The following DNAH8 variants were observed in gnomAD, a reference collection of about 807,000 sequenced individuals.
DNAH8 encodes dynein axonemal heavy chain 8, also known as axonemal beta dynein heavy chain 8.
In DNAH8, 382 loss-of-function variants were observed where a neutral mutation model predicts 562.1. That is an observed-to-expected ratio of 0.68 (90% CI 0.63 to 0.74). DNAH8 has a LOEUF of 0.74. DNAH8 is among the 30% of genes least tolerant of loss of function. The probability of loss-of-function intolerance (pLI) is 0.00; values close to 1 mark genes in which losing one functional copy is unlikely to be tolerated. For missense variants in DNAH8, 5,203 were observed against 5,620.4 expected (o/e 0.93, Z 2.37); for synonymous variants, 1,881 against 1,919.4 (o/e 0.98, Z 0.52).
At chr6:38,823,427 C>T (rs1256560218) in intron 27 of DNAH8, 135 bp from the exon 28 acceptor site, 2 of 660,496 alleles carry the variant, frequency 3.0e-6, no homozygotes, top group Non-Finnish European at 5.2e-6. Context: ...GGTGGACACC[C>T]TATTTCTTAC....
At chr6:38,836,187 C>G (rs566255354) in intron 32 of DNAH8, among the ~76,000 whole-genome samples, 35 of 152,152 alleles carry the variant, frequency 2.3e-4, no homozygotes, top group African/African-American at 8.2e-4. Flanking sequence ...AGCGGATGAC[C>G]TTGTTTTCAA....
At chr6:38,937,934 C>G (rs771119360) in intron 77 of DNAH8, 40 bp from the exon 78 acceptor site, 1 of 1,583,904 alleles carries the variant, frequency 6.3e-7, no homozygotes, top group Non-Finnish European at 8.6e-7. Flanking sequence ...TTGCAAGTTT[C>G]CCGTCTTGTG....
intron 26 of DNAH8, among the ~76,000 whole-genome samples, chr6:38,819,099 G>A (rs2150328697): frequency 6.6e-6 from 1 of 152,292 alleles, no homozygotes; most frequent in South Asian, 2.1e-4. Flanking sequence ...AAGGGCTTTT[G>A]TAAACTTGTA....
chr6:38,899,212 C>G (rs1345994581), intron 61 of DNAH8, among the ~76,000 whole-genome samples: 2 of 152,120 alleles, frequency 1.3e-5, no homozygotes, highest in African/African-American at 4.8e-5. Flanking sequence ...CTGAGGAAAT[C>G]AACCATAGAA....
intron 82 of DNAH8, among the ~76,000 whole-genome samples, chr6:38,969,722 G>T (rs865861312): frequency 2.6e-5 from 4 of 151,256 alleles, no homozygotes; most frequent in Middle Eastern, 3.4e-3. Context: ...GGGGAGTGGG[G>T]GGTGGTGTGT....
chr6:38,870,265 A>G (rs1247895579), intron 48 of DNAH8, 136 bp from the exon 49 acceptor site: 41 of 731,688 alleles, frequency 5.6e-5, no homozygotes, highest in Non-Finnish European at 8.1e-5. Flanking sequence ...AGAAAGTACT[A>G]GAGAATACAA....
intron 32 of DNAH8, among the ~76,000 whole-genome samples, chr6:38,836,679 A>G (rs1774331440): frequency 1.3e-5 from 2 of 152,068 alleles, no homozygotes; most frequent in South Asian, 4.2e-4. Flanking sequence ...TCAAAATGAG[A>G]TGTACTCCAA....
chr6:38,766,936 T>A (rs2127616518), intron 11 of DNAH8, among the ~76,000 whole-genome samples: 1 of 152,332 alleles, frequency 6.6e-6, no homozygotes, highest in Non-Finnish European at 1.5e-5. Flanking sequence ...GATCGACATT[T>A]TCTTTGTGAA....
chr6:38,999,664 A>G (rs1765352740), intron 88 of DNAH8, among the ~76,000 whole-genome samples: 1 of 152,006 alleles, frequency 6.6e-6, no homozygotes, highest in African/African-American at 2.4e-5. Flanking sequence ...TTTAAAAGTC[A>G]TATAAAGTAT....
At chr6:38,817,430 G>A (rs1772386564) in intron 26 of DNAH8, among the ~76,000 whole-genome samples, 1 of 152,182 alleles carries the variant, frequency 6.6e-6, no homozygotes, top group Admixed American at 6.5e-5. Flanking sequence ...TTTCTATGTT[G>A]CACTAACATT....
intron 26 of DNAH8, among the ~76,000 whole-genome samples, chr6:38,817,120 A>G (rs1473363344): frequency 6.6e-6 from 1 of 152,192 alleles, no homozygotes. Context: ...AGGCAGGTGG[A>G]TCATCTTAGG....
chr6:38,816,751 T>A (rs1772317562), intron 26 of DNAH8, among the ~76,000 whole-genome samples: 1 of 152,218 alleles, frequency 6.6e-6, no homozygotes, highest in Non-Finnish European at 1.5e-5. Flanking sequence ...GCATCTTTTG[T>A]TTCTTGACTT....
intron 39 of DNAH8, 27 bp from the exon 40 acceptor site, chr6:38,852,667 T>C (rs373879559): frequency 1.3e-6 from 2 of 1,531,892 alleles, no homozygotes; most frequent in Non-Finnish European, 1.8e-6. Flanking sequence ...TCCAGCCTCA[T>C]GTGTGACGTT....
chr6:38,734,239 G>T lies in DNAH8; in HGVS notation c.611-235G>T, dbSNP rs9366976. 0.1 allele frequency among the ~76,000 whole-genome samples: 15,395 copies of T among 146,976 alleles called. 1,141 individuals are homozygous for T. Among genetic ancestry groups the T allele is most frequent in the East Asian group, 0.38 (1,875 of 4,932 alleles). On this transcript the variant is annotated intron_variant, in intron 4 of 92. Coordinates refer to ENST00000327475, the MANE Select transcript of DNAH8 (RefSeq NM_001206927.2). ...GTGGAGGTTGCAGTGAGCTGAGATTGCACTACTGCACTCCAGCCTGGGCAA... is the reference window on the plus strand; with the variant it reads ...GTGGAGGTTGCAGTGAGCTGAGATTTCACTACTGCACTCCAGCCTGGGCAA...
chr6:38,939,308 C>A (rs1164858378), intron 79 of DNAH8, among the ~76,000 whole-genome samples: 2 of 152,150 alleles, frequency 1.3e-5, no homozygotes, highest in African/African-American at 4.8e-5. Flanking sequence ...GCCATTCCCT[C>A]AGCAAGGGAG....
rs1775900492 is a variant in DNAH8, at chr6:38,853,186, T to C, written c.5572T>C (p.Leu1858=). Residue 1858 remains leucine, a splice_region_variant and synonymous_variant, in exon 41 of 93, where the codon TTG becomes CTG. Transcript: ENST00000327475. ...VISREGEKIV[L]DNSVMAKGPV... ...TAATATCCTTGTAATTTTGTTTTAG[T>C]TGGATAATTCTGTTATGGCCAAAGG... is the stretch of plus-strand genomic sequence containing the variant. 6.3e-7 allele frequency: 1 copy of C among 1,588,944 alleles called. No individual in the cohort carries two copies. The highest frequency in any genetic ancestry group is 1.2e-5 in the South Asian group (1 of 86,238).
chr6:38,796,447 C>T (rs1023711772), intron 21 of DNAH8, among the ~76,000 whole-genome samples: 1 of 151,972 alleles, frequency 6.6e-6, no homozygotes. Context: ...GGGAGGAGAC[C>T]ACCCCTCATA....
At chr6:38,994,574 A>T (rs564130653) in intron 88 of DNAH8, among the ~76,000 whole-genome samples, 211 of 150,314 alleles carry the variant, frequency 1.4e-3, no homozygotes, top group African/African-American at 5.0e-3. Flanking sequence ...GAATTTACCT[A>T]TTAGGTATAA....
chr6:38,962,480 G>A (rs570280625), intron 82 of DNAH8, among the ~76,000 whole-genome samples: 4 of 152,124 alleles, frequency 2.6e-5, no homozygotes, highest in Non-Finnish European at 5.9e-5. Flanking sequence ...TTAGACTCTT[G>A]TATGTACAAT....
Sources: allele counts gnomAD v4.1 joint callset (sites outside exome capture counted in the v4.1 genomes callset), GRCh38; gene constraint gnomAD v4.1.1; transcripts MANE v1.5; gene names NCBI Gene and HGNC (gene_info 2026-07-23, HGNC 2026-07-21).